Variants in STAG1 observed in about 807,000 individuals in gnomAD.
STAG1 encodes cohesin subunit SA-1.
A neutral mutation model predicts 170.9 loss-of-function variants in STAG1; 26 were observed. The ratio of observed to expected loss-of-function variants is 0.15; its 90% CI spans 0.11 to 0.21. STAG1 has a LOEUF of 0.21. STAG1 is among the 10% of genes least tolerant of loss of function. The pLI is 1.00. For synonymous variants in STAG1, 514 were observed against 497.7 expected, an observed-to-expected ratio of 1.03 and a Z score of -0.44; for missense variants, 964 against 1,509.5, an observed-to-expected ratio of 0.64 and a Z score of 5.99.
At chr3:136,677,364 T>C (rs542503036) in intron 1 of STAG1, among the ~76,000 whole-genome samples, 73 of 152,296 alleles carry the variant, frequency 4.8e-4, no homozygotes, top group Non-Finnish European at 3.2e-4. Context: ...TTCAGCTCCA[T>C]GATCATCTTA....
intron 9 of STAG1, among the ~76,000 whole-genome samples, chr3:136,485,306 A>C (rs1260045253): frequency 1.3e-5 from 2 of 151,992 alleles, no homozygotes; most frequent in Non-Finnish European, 2.9e-5. Context: ...AAATACAAAA[A>C]ATTAGCTGGG....
At chr3:136,637,115 A>G (rs1462620826) in intron 1 of STAG1, among the ~76,000 whole-genome samples, 3 of 152,252 alleles carry the variant, frequency 2.0e-5, no homozygotes, top group Non-Finnish European at 2.9e-5. Context: ...TAACAAAATG[A>G]TATTTGACAG....
At chr3:136,394,788 A>G (rs2087104588) in intron 22 of STAG1, among the ~76,000 whole-genome samples, 1 of 151,908 alleles carries the variant, frequency 6.6e-6, no homozygotes, top group Non-Finnish European at 1.5e-5. Flanking sequence ...CCCCGTCTCT[A>G]CTAAACATAC....
chr3:136,352,787 G>T (rs564386617), intron 28 of STAG1, among the ~76,000 whole-genome samples: 1 of 152,180 alleles, frequency 6.6e-6, no homozygotes, highest in East Asian at 1.9e-4. Context: ...TCAAACTATA[G>T]GCTAATGTAA....
chr3:136,477,730 G>A (rs1369599550), intron 9 of STAG1, among the ~76,000 whole-genome samples: 1 of 152,136 alleles, frequency 6.6e-6, no homozygotes, highest in Non-Finnish European at 1.5e-5. Flanking sequence ...AACTTTCTAA[G>A]AAAATCAGAG....
intron 7 of STAG1, among the ~76,000 whole-genome samples, chr3:136,519,670 A>C (rs1431172377): frequency 6.6e-6 from 1 of 152,044 alleles, no homozygotes; most frequent in Non-Finnish European, 1.5e-5. Context: ...CCAAATGCAG[A>C]GGATACTACG....
At chr3:136,378,409 C>G (rs1055662714) in intron 22 of STAG1, among the ~76,000 whole-genome samples, 1 of 152,166 alleles carries the variant, frequency 6.6e-6, no homozygotes, top group African/African-American at 2.4e-5. Context: ...AAGGAAATTT[C>G]AAGTTGAGTG....
At chr3:136,412,519 C>T (rs1205606035) in intron 21 of STAG1, among the ~76,000 whole-genome samples, 9 of 152,134 alleles carry the variant, frequency 5.9e-5, no homozygotes, top group Non-Finnish European at 1.0e-4. Context: ...CTTTGCAGAC[C>T]TCACTTTAGT....
At chr3:136,363,321 T>C (rs374696599) in intron 26 of STAG1, 45 bp downstream of exon 26, 5 of 1,008,798 alleles carry the variant, frequency 5.0e-6, no homozygotes, top group Non-Finnish European at 7.8e-6. Context: ...AGAAGTGCAA[T>C]AATGTTATTT....
chr3:136,714,994 T>A (rs1229342946), intron 1 of STAG1, among the ~76,000 whole-genome samples: 2 of 111,568 alleles, frequency 1.8e-5, no homozygotes, highest in African/African-American at 5.9e-5. Flanking sequence ...ATATATATTT[T>A]ATATATATAA....
At chr3:136,378,163 A>C (rs1937712205) in intron 22 of STAG1, among the ~76,000 whole-genome samples, 1 of 152,218 alleles carries the variant, frequency 6.6e-6, no homozygotes, top group African/African-American at 2.4e-5. Context: ...AGCACTCTGC[A>C]AAATGTCAGG....
chr3:136,610,815 A>G (rs962200294), intron 3 of STAG1, among the ~76,000 whole-genome samples: 1 of 152,198 alleles, frequency 6.6e-6, no homozygotes, highest in Non-Finnish European at 1.5e-5. Flanking sequence ...GGTGTTGTGT[A>G]TGCACAATTA....
intron 9 of STAG1, among the ~76,000 whole-genome samples, chr3:136,496,112 C>G (rs1459416473): frequency 6.6e-6 from 1 of 152,026 alleles, no homozygotes; most frequent in South Asian, 2.1e-4. Flanking sequence ...CCACTGCACT[C>G]CAGCCTGGGC....
chr3:136,402,319 G>C (rs1054021508), intron 21 of STAG1, among the ~76,000 whole-genome samples: 3 of 151,890 alleles, frequency 2.0e-5, no homozygotes, highest in African/African-American at 7.2e-5. Flanking sequence ...CCGGGTTCAA[G>C]TGATTCTCCC....
At chr3:136,380,771 G>T (rs1020543027) in intron 22 of STAG1, among the ~76,000 whole-genome samples, 22 of 151,900 alleles carry the variant, frequency 1.4e-4, no homozygotes, top group African/African-American at 5.3e-4. Flanking sequence ...TGTAATCCGA[G>T]CACTTTGGGA....
chr3:136,617,336 G>A (rs915928783), intron 3 of STAG1, among the ~76,000 whole-genome samples: 2 of 152,200 alleles, frequency 1.3e-5, no homozygotes, highest in African/African-American at 4.8e-5. Flanking sequence ...GGAACCATGA[G>A]ATCATTGGTG....
chr3:136,628,758 T>G (rs1454511807), intron 2 of STAG1, among the ~76,000 whole-genome samples: 1 of 152,244 alleles, frequency 6.6e-6, no homozygotes, highest in Middle Eastern at 3.2e-3. Context: ...CAAAAAGAAC[T>G]AAGTCTGCTC....
chr3:136,586,992 T>C (rs1418186787), intron 4 of STAG1: 5 of 424,622 alleles, frequency 1.2e-5, no homozygotes, highest in Admixed American at 2.8e-5. Flanking sequence ...GAAGAAAAGA[T>C]AGCTACCACT....
At position 136,495,347 on chromosome 3, in the gene STAG1, C is replaced by A. The variant is rs376348898; in HGVS notation, c.902+4876G>T. ...TAATAGAAGAGACAAAATGATTAAA[C>A]TTCGAAAATAAAACACAGAAGAAAT... On this transcript the variant is annotated intron_variant, in intron 9 of 33. Transcript: ENST00000383202. 6.6e-5 allele frequency among the ~76,000 whole-genome samples: 10 copies of A among 152,152 alleles called. No homozygotes were observed. The East Asian group carries it at 9.7e-4, about 15-fold the overall frequency.
Sources: allele counts gnomAD v4.1 joint callset (sites outside exome capture counted in the v4.1 genomes callset), GRCh38; gene constraint gnomAD v4.1.1; transcripts MANE v1.5; gene names NCBI Gene and HGNC (gene_info 2026-07-23, HGNC 2026-07-21).